Variants in GSK3B observed in about 807,000 individuals in gnomAD.
GSK3B encodes glycogen synthase kinase 3 beta.
GSK3B carries 15 observed loss-of-function variants against 56.4 expected under a neutral mutation model. That is an observed-to-expected ratio of 0.27 (90% CI 0.18 to 0.41). GSK3B has a LOEUF of 0.41. Among genes scored for constraint, GSK3B ranks in the 10% least tolerant of loss-of-function variants. The pLI is 1.00. For synonymous variants in GSK3B, 181 were observed against 188.9 expected (o/e 0.96, Z 0.34); for missense variants, 300 against 513.4 (o/e 0.58, Z 4.02).
intron 9 of GSK3B, among the ~76,000 whole-genome samples, chr3:119,845,320 A>T (rs1218532664): frequency 6.6e-6 from 1 of 152,242 alleles, no homozygotes; most frequent in African/African-American, 2.4e-5. Context: ...TGGCCAGGGC[A>T]ATCAGGCAAG....
chr3:119,978,757 C>A (rs1269059144), intron 2 of GSK3B, among the ~76,000 whole-genome samples: 1 of 152,154 alleles, frequency 6.6e-6, no homozygotes, highest in Non-Finnish European at 1.5e-5. Context: ...CAACATTGGA[C>A]ACTAATCCAG....
rs1056762347 is a variant in GSK3B, at chr3:119,967,069, T to A, written c.283-19718A>T. 3.9e-5 allele frequency among the ~76,000 whole-genome samples: 6 copies of A among 152,140 alleles called. No individual in the cohort carries two copies. The East Asian group carries it at 1.2e-3, about 29-fold the overall frequency. On this transcript the variant is annotated intron_variant, in intron 2 of 10. Coordinates refer to ENST00000264235, the MANE Select transcript of GSK3B (RefSeq NM_001146156.2). The stretch of plus-strand genomic sequence containing the variant: ...GATCTACAGATCCACTACAATCCTG[T>A]TGAAATTACAGCTACCTTTTTTTTT...
intron 1 of GSK3B, among the ~76,000 whole-genome samples, chr3:120,072,249 C>A (rs1401061630): frequency 6.6e-6 from 1 of 152,082 alleles, no homozygotes; most frequent in East Asian, 1.9e-4. Context: ...ATAAATCAAC[C>A]TTTTCTATTA....
At chr3:119,988,069 G>T (rs1402463117) in intron 2 of GSK3B, among the ~76,000 whole-genome samples, 1 of 152,086 alleles carries the variant, frequency 6.6e-6, no homozygotes, top group African/African-American at 2.4e-5. Flanking sequence ...TTTATAATCA[G>T]CTATAAAGCT....
intron 9 of GSK3B, among the ~76,000 whole-genome samples, chr3:119,856,953 C>A (rs1166980334): frequency 6.6e-6 from 1 of 152,106 alleles, no homozygotes; most frequent in African/African-American, 2.4e-5. Flanking sequence ...AAGTGAGTCA[C>A]GCAAATGTTT....
intron 1 of GSK3B, among the ~76,000 whole-genome samples, chr3:120,069,657 A>C (rs549085765): frequency 1.3e-3 from 148 of 110,436 alleles, no homozygotes; most frequent in Non-Finnish European, 1.8e-3. Context: ...GCCTGAAAAC[A>C]GTTTTTGGAA....
At chr3:120,032,304 G>A (rs552356916) in intron 1 of GSK3B, among the ~76,000 whole-genome samples, 92 of 151,952 alleles carry the variant, frequency 6.1e-4, no homozygotes, top group African/African-American at 2.1e-3. Flanking sequence ...GTGAAACCCC[G>A]TCTCTACTAA....
rs1210463888 is a variant in GSK3B at position 119,825,083 on chromosome 3, T to C, written c.*1705A>G. On this transcript the variant is annotated 3_prime_UTR_variant, in exon 11 of 11. Transcript: ENST00000264235. ...AGTTACCAGCTAACCTTGGAAGGCA[T>C]GTGGGGAAGGAGCGGGTAGGAGGGA... The C allele has an allele frequency of 5.1e-6, 1 of 196,798 alleles. No homozygotes were observed. The highest frequency in any genetic ancestry group is 1.1e-5 in the Non-Finnish European group (1 of 94,954). The allele number at this position is 196,798 out of a possible 1,614,324, so 12.2% of individuals were successfully genotyped here. A position where few individuals can be genotyped will look rare whatever the true frequency, so the allele number is the denominator to read the frequency against.
chr3:120,058,102 A>C (rs2058205961), intron 1 of GSK3B, among the ~76,000 whole-genome samples: 1 of 152,178 alleles, frequency 6.6e-6, no homozygotes, highest in Non-Finnish European at 1.5e-5. Context: ...CTGGTTAAAA[A>C]GCCAAAGATT....
chr3:119,869,235 A>AAAAAAC (rs1553726299), intron 8 of GSK3B, among the ~76,000 whole-genome samples: 2 of 150,250 alleles, frequency 1.3e-5, no homozygotes, highest in Non-Finnish European at 3.0e-5. Context: ...AAAAAAAAAA[A>AAAAAAC]AAAAAAAAAA....
At chr3:120,093,050 A>C (rs998106797) in intron 1 of GSK3B, among the ~76,000 whole-genome samples, 1 of 152,240 alleles carries the variant, frequency 6.6e-6, no homozygotes, top group Non-Finnish European at 1.5e-5. Context: ...TTTAACGTGG[A>C]AACACTCGAG....
intron 1 of GSK3B, among the ~76,000 whole-genome samples, chr3:120,024,175 A>T (rs7432111): frequency 3.2e-4 from 49 of 151,808 alleles, no homozygotes; most frequent in Admixed American, 5.3e-4. Flanking sequence ...TACAAAAAAA[A>T]TTTTTTTTTA....
intron 6 of GSK3B, among the ~76,000 whole-genome samples, chr3:119,909,008 T>C (rs1198029111): frequency 6.6e-6 from 1 of 152,222 alleles, no homozygotes; most frequent in East Asian, 1.9e-4. Context: ...AGGTCTGTTC[T>C]ATTTTTTGTT....
intron 10 of GSK3B, among the ~76,000 whole-genome samples, chr3:119,837,110 T>A (rs985317308): frequency 2.0e-5 from 3 of 152,194 alleles, no homozygotes; most frequent in African/African-American, 7.2e-5. Flanking sequence ...AATCACTGAC[T>A]GGAAGAAGGC....
intron 9 of GSK3B, among the ~76,000 whole-genome samples, chr3:119,846,815 T>C (rs2055862892): frequency 1.3e-5 from 2 of 152,346 alleles, no homozygotes; most frequent in African/African-American, 4.8e-5. Flanking sequence ...TAAATCATTC[T>C]ACTATAAAGA....
chr3:119,926,599 C>G (rs1209289007), intron 3 of GSK3B, among the ~76,000 whole-genome samples: 1 of 152,124 alleles, frequency 6.6e-6, no homozygotes, highest in Admixed American at 6.5e-5. Context: ...TCTACTCTAC[C>G]TCATTGGTCT....
chr3:119,991,605 T>G (rs1015629113), intron 2 of GSK3B, among the ~76,000 whole-genome samples: 1 of 151,550 alleles, frequency 6.6e-6, no homozygotes, highest in Middle Eastern at 3.5e-3. Context: ...TATTTCAACC[T>G]TCTGCTGGAA....
chr3:119,995,072 T>C (rs2057601698), intron 2 of GSK3B, among the ~76,000 whole-genome samples: 1 of 149,844 alleles, frequency 6.7e-6, no homozygotes, highest in African/African-American at 2.5e-5. Context: ...ACGTCTATAA[T>C]CCCAGTACTT....
chr3:119,981,302 T>C (rs2057459456), intron 2 of GSK3B, among the ~76,000 whole-genome samples: 1 of 152,228 alleles, frequency 6.6e-6, no homozygotes, highest in South Asian at 2.1e-4. Context: ...GGCTAATTTC[T>C]GTATTTCCAA....
Sources: allele counts gnomAD v4.1 joint callset (sites outside exome capture counted in the v4.1 genomes callset), GRCh38; gene constraint gnomAD v4.1.1; transcripts MANE v1.5; gene names NCBI Gene and HGNC (gene_info 2026-07-23, HGNC 2026-07-21).